Variants in ABCA6 observed in about 807,000 individuals in gnomAD.
ABCA6 encodes ATP binding cassette subfamily A member 6, also known as ATP-binding cassette sub-family A member 6.
Under a neutral mutation model 191.2 loss-of-function variants are expected in ABCA6, and 164 were observed. That is an observed-to-expected ratio of 0.86 (90% CI 0.76 to 0.98). The LOEUF is 0.98. Ranked by LOEUF, ABCA6 falls within the 50% of genes least tolerant of loss-of-function variation. The pLI is 0.00. For missense variants in ABCA6, 1,958 were observed against 1,894.1 expected (o/e 1.03, Z -0.63); for synonymous variants, 636 against 647.7 (o/e 0.98, Z 0.27).
At chr17:69,133,620 C>G (rs369139184) in intron 6 of ABCA6, 21 bp downstream of exon 6, 2 of 1,481,148 alleles carry the variant, frequency 1.4e-6, no homozygotes, top group Middle Eastern at 1.8e-4. Flanking sequence ...TTAATTTGCA[C>G]TACTTGAATT....
At chr17:69,126,630 A>G (rs916394928) in intron 8 of ABCA6, among the ~76,000 whole-genome samples, 1 of 152,162 alleles carries the variant, frequency 6.6e-6, no homozygotes, top group Non-Finnish European at 1.5e-5. Context: ...TGACAGGGCA[A>G]GACCCTGTCT....
At chr17:69,095,936 T>C (rs2073035579) in intron 25 of ABCA6, among the ~76,000 whole-genome samples, 1 of 152,218 alleles carries the variant, frequency 6.6e-6, no homozygotes, top group Non-Finnish European at 1.5e-5. Context: ...ATGTCAACTG[T>C]TAGGAAGCCA....
At chr17:69,090,717 A>G (rs563272213) in intron 26 of ABCA6, among the ~76,000 whole-genome samples, 1 of 152,200 alleles carries the variant, frequency 6.6e-6, no homozygotes, top group Non-Finnish European at 1.5e-5. Flanking sequence ...TATTTGATAT[A>G]TATTTTTGAA....
intron 23 of ABCA6, 38 bp from the exon 24 acceptor site, chr17:69,096,839 G>A (rs1439109139): frequency 1.4e-6 from 2 of 1,437,880 alleles, no homozygotes; most frequent in Non-Finnish European, 9.2e-7. Flanking sequence ...AATGTATATA[G>A]ATTCAATTAA....
rs1284125122 is a variant in ABCA6 at position 69,078,795 on chromosome 17, G to T, written c.*178C>A. Reference sequence around the variant, plus strand: ...TTTGTATTGCCTTTATCACAGGTTTGCTATCACCCCTATGTTTGAGAGGAA... The same window carrying T: ...TTTGTATTGCCTTTATCACAGGTTTTCTATCACCCCTATGTTTGAGAGGAA... On this transcript the variant is annotated 3_prime_UTR_variant, in exon 39 of 39. Coordinates refer to ENST00000284425, the MANE Select transcript of ABCA6 (RefSeq NM_080284.3). 1 of 436,258 alleles carries T rather than the reference G, an allele frequency of 2.3e-6. No individual in the cohort carries two copies. The highest frequency in any genetic ancestry group is 3.6e-5 in the East Asian group (1 of 27,784). The allele number at this position is 436,258 out of a possible 1,614,324, so 27.0% of individuals were successfully genotyped here.
intron 22 of ABCA6, among the ~76,000 whole-genome samples, chr17:69,099,039 A>C (rs946533363): frequency 4.6e-5 from 7 of 152,148 alleles, no homozygotes; most frequent in African/African-American, 1.7e-4. Flanking sequence ...CTTTCTGAGC[A>C]AACCCAGAGA....
chr17:69,130,524 C>T (rs2073843783), intron 6 of ABCA6, among the ~76,000 whole-genome samples: 2 of 152,130 alleles, frequency 1.3e-5, no homozygotes, highest in Admixed American at 1.3e-4. Flanking sequence ...TTATACACTG[C>T]TGTATAATAT....
At position 69,140,104 on chromosome 17, in the gene ABCA6, AAAAAAAT is replaced by A. The variant is rs550316431; in HGVS notation, c.96+497_96+503del. On this transcript the variant is annotated intron_variant, in intron 2 of 38. Coordinates refer to ENST00000284425, the MANE Select transcript of ABCA6 (RefSeq NM_080284.3). The stretch of plus-strand genomic sequence containing the variant: ...CTAAAACTTAAAGTATAATAATAAT[AAAAAAAT>A]AAAAAATAAAAAAATAAACATTTGC... Among the ~76,000 whole-genome samples the A allele has an allele frequency of 1.6e-3, 245 of 152,126 alleles. 2 individuals carry two copies. Among genetic ancestry groups the A allele is most frequent in the African/African-American group, 5.6e-3 (232 of 41,528 alleles).
At chr17:69,134,859 T>G in intron 4 of ABCA6, 117 bp from the exon 5 acceptor site, 1 of 656,328 alleles carries the variant, frequency 1.5e-6, no homozygotes. Context: ...ACTTTTTTGG[T>G]GGTGGTGTTT....
At chr17:69,119,321 TCTCA>T (rs2073595713) in intron 10 of ABCA6, among the ~76,000 whole-genome samples, 1 of 152,060 alleles carries the variant, frequency 6.6e-6, no homozygotes, top group Non-Finnish European at 1.5e-5. Context: ...TCTTCCTGAT[TCTCA>T]CTCAGATTCA....
intron 34 of ABCA6, 88 bp from the exon 35 acceptor site, chr17:69,083,419 G>C: frequency 7.5e-7 from 1 of 1,326,132 alleles, no homozygotes; most frequent in South Asian, 2.0e-5. Context: ...ATCATATTCA[G>C]ATCCTAATGC....
intron 6 of ABCA6, among the ~76,000 whole-genome samples, chr17:69,133,278 C>A (rs886378380): frequency 1.3e-5 from 2 of 152,150 alleles, no homozygotes; most frequent in Non-Finnish European, 2.9e-5. Context: ...GAAGACCAGG[C>A]GAGAAAACAA....
At chr17:69,134,208 C>G (rs146210520) in intron 5 of ABCA6, among the ~76,000 whole-genome samples, 3 of 152,118 alleles carry the variant, frequency 2.0e-5, no homozygotes, top group African/African-American at 4.8e-5. Context: ...ATCATTGCTA[C>G]GGTTTGAAAG....
At position 69,115,453 on chromosome 17, in the gene ABCA6, G is replaced by A. The variant is rs144484556; in HGVS notation, c.1529C>T (p.Thr510Met). The part of the protein sequence containing the change: ...LLFDIYEGQI[T>M]AILGHSGAGK... ...AGCTCCACTGTGACCCAGGATTGCC[G>A]TGATTTGACCTTCATATATGTCAAA... The change falls in exon 12 of 39, where the codon ACG (threonine) becomes ATG (methionine). Residue 510 changes from threonine to methionine, a missense_variant. By Grantham distance (81) the Thr-to-Met change is moderately conservative. Coordinates refer to ENST00000284425, the MANE Select transcript of ABCA6 (RefSeq NM_080284.3). 53 of 1,611,544 alleles carry A rather than the reference G, an allele frequency of 3.3e-5. No homozygotes were observed. Among genetic ancestry groups the A allele is most frequent in the Admixed American group, 3.2e-4 (19 of 59,834 alleles).
rs1568038055 is a variant in ABCA6, at chr17:69,136,144, C to CTAT, written c.407_408insATA (p.Lys136_Leu137insTer). On this transcript the variant is annotated stop_gained and inframe_insertion, in exon 4 of 39. Coordinates refer to ENST00000284425, the MANE Select transcript of ABCA6 (RefSeq NM_080284.3). LOFTEE classifies it high-confidence loss of function. ...TGTTATATCCCTGGAAAAATATTAACTTATAAGAGAAAGTTTCATTAAAGA... is the reference window on the plus strand; with the variant it reads ...TGTTATATCCCTGGAAAAATATTAACTATTTATAAGAGAAAGTTTCATTAAAGA... 1.2e-6 allele frequency: 2 copies of CTAT among 1,608,844 alleles called. No homozygotes were observed. The highest frequency in any genetic ancestry group is 2.2e-5 in the South Asian group (2 of 90,294).
chr17:69,104,785 A>G (rs992099927), intron 20 of ABCA6: 1 of 151,642 alleles, frequency 6.6e-6, no homozygotes, highest in Non-Finnish European at 1.5e-5. Context: ...CCTGGCCAAC[A>G]TGGCAAAACC....
intron 34 of ABCA6, 66 bp from the exon 35 acceptor site, chr17:69,083,397 T>C (rs893715898): frequency 2.0e-6 from 3 of 1,473,270 alleles, no homozygotes; most frequent in Non-Finnish European, 2.7e-6. Context: ...AAAGATAAAA[T>C]ACAATATATG....
At chr17:69,089,575 A>G (rs770275025) in intron 26 of ABCA6, 33 bp from the exon 27 acceptor site, 45 of 1,495,498 alleles carry the variant, frequency 3.0e-5, no homozygotes, top group Non-Finnish European at 4.2e-5. Context: ...ACACACACTA[A>G]TGATAATTCA....
chr17:69,136,321 A>G, intron 3 of ABCA6, 71 bp from the exon 4 acceptor site: 1 of 1,148,346 alleles, frequency 8.7e-7, no homozygotes, highest in Non-Finnish European at 1.2e-6. Context: ...GTGATATTCA[A>G]CTGTTTCCCC....
Sources: gnomAD v4.1 joint callset for allele counts (sites outside exome capture counted in the v4.1 genomes callset) on GRCh38, gnomAD v4.1.1 for gene constraint, MANE v1.5 for transcripts, NCBI Gene and HGNC (gene_info 2026-07-23, HGNC 2026-07-21) for gene names.